The following CEP89 variants were observed in gnomAD, a reference collection of about 807,000 sequenced individuals.
CEP89 encodes centrosomal protein 89.
CEP89 carries 95 observed loss-of-function variants against 97.6 expected under a neutral mutation model. That is an observed-to-expected ratio of 0.97 (90% CI 0.82 to 1.15). The LOEUF (loss-of-function observed/expected upper bound fraction) is 1.15, where lower values mean the gene tolerates loss of function less well. CEP89 is among the 50% of genes most tolerant of loss of function. The pLI is 0.00. For missense variants in CEP89, 869 were observed against 947.7 expected (o/e 0.92, Z 1.09); for synonymous variants, 354 against 349.1 (o/e 1.01, Z -0.16).
chr19:32,888,355 TGC>T (rs1397341025), intron 16 of CEP89, among the ~76,000 whole-genome samples: 1 of 152,236 alleles, frequency 6.6e-6, no homozygotes, highest in Admixed American at 6.5e-5. Flanking sequence ...GGACGTGACC[TGC>T]TACATTCTAT....
chr19:32,899,621 T>C (rs548826410), intron 16 of CEP89, among the ~76,000 whole-genome samples: 1 of 152,294 alleles, frequency 6.6e-6, no homozygotes, highest in Admixed American at 6.5e-5. Context: ...GTAAAAGCAA[T>C]GGGCATTCAG....
At chr19:32,921,276 G>A (rs16967567) in intron 12 of CEP89, among the ~76,000 whole-genome samples, 7,713 of 151,914 alleles carry the variant, frequency 0.051, 245 homozygotes, top group South Asian at 0.15. Flanking sequence ...TGTGAAGTCC[G>A]TGTACCGAGT....
intron 9 of CEP89, among the ~76,000 whole-genome samples, chr19:32,927,902 GCTTTTTTTTTTTTTTT>G (rs1403307993): frequency 2.4e-5 from 2 of 82,730 alleles, no homozygotes; most frequent in African/African-American, 5.4e-5. Flanking sequence ...AGCACACTTG[GCTTTTTTTTTTTTTTT>G]CTTTTTTTTT....
Position 32,933,522 on chromosome 19 carries a change from T to C in CEP89, c.815A>G (p.Gln272Arg), listed in dbSNP as rs147369608. 47 of 1,614,156 alleles carry C rather than the reference T, an allele frequency of 2.9e-5. No individual in the cohort carries two copies. In the African/African-American group the frequency reaches 5.1e-4, roughly 17 times the overall value. Residue 272 changes from glutamine to arginine, a missense_variant, in exon 8 of 19, where the codon CAG becomes CGG. By Grantham distance (43) the Gln-to-Arg change is conservative. Coordinates refer to ENST00000305768, the MANE Select transcript of CEP89 (RefSeq NM_032816.5). ...TTTTTCCATTCCCTTAAGTTTTAAC[T>C]GTAGTTCTTTCATTGCTTGTTTCAT... ...NTMKQAMKEL[Q>R]LKLKGMEKEK...
chr19:32,899,586 T>C (rs1969720500), intron 16 of CEP89, among the ~76,000 whole-genome samples: 1 of 152,192 alleles, frequency 6.6e-6, no homozygotes, highest in South Asian at 2.1e-4. Context: ...TGGTTCAATC[T>C]ACATTTTTTA....
intron 3 of CEP89, 72 bp from the exon 4 acceptor site, chr19:32,953,873 T>C (rs1970991014): frequency 3.8e-6 from 4 of 1,063,564 alleles, no homozygotes; most frequent in Non-Finnish European, 5.4e-6. Flanking sequence ...ATATCTTTTT[T>C]TTTTTTTTTT....
At chr19:32,915,315 A>T in intron 14 of CEP89, 22 bp downstream of exon 14, 1 of 1,552,114 alleles carries the variant, frequency 6.4e-7, no homozygotes, top group Non-Finnish European at 8.7e-7. Flanking sequence ...AAAAAAAAAA[A>T]GAAAAAACAT....
intron 16 of CEP89, among the ~76,000 whole-genome samples, chr19:32,891,015 G>A (rs960454785): frequency 1.3e-5 from 2 of 152,162 alleles, no homozygotes; most frequent in South Asian, 2.1e-4. Flanking sequence ...GTGGAGCAGC[G>A]GGTCCCCAGC....
At chr19:32,882,317 C>T (rs1198645817) in intron 17 of CEP89, among the ~76,000 whole-genome samples, 1 of 152,138 alleles carries the variant, frequency 6.6e-6, no homozygotes, top group Non-Finnish European at 1.5e-5. Context: ...AATTTCAGCA[C>T]TATTACAGGC....
At chr19:32,970,334 C>A (rs1971373635) in intron 1 of CEP89, 1 of 152,144 alleles carries the variant, frequency 6.6e-6, no homozygotes, top group Admixed American at 6.6e-5. Flanking sequence ...CAGCACACAG[C>A]AGGGACTCAT....
intron 18 of CEP89, among the ~76,000 whole-genome samples, chr19:32,879,818 C>T (rs913001800): frequency 3.3e-5 from 5 of 152,256 alleles, no homozygotes; most frequent in African/African-American, 4.8e-5. Flanking sequence ...ACAGCCCCTC[C>T]TGTGTCCCGT....
intron 18 of CEP89, among the ~76,000 whole-genome samples, chr19:32,879,727 G>A (rs1024209841): frequency 7.9e-5 from 12 of 152,234 alleles, no homozygotes; most frequent in South Asian, 2.1e-4. Context: ...TGGGCGTGTC[G>A]AATAAGGAAC....
intron 18 of CEP89, among the ~76,000 whole-genome samples, chr19:32,880,558 G>A (rs962504636): frequency 1.3e-5 from 2 of 150,676 alleles, no homozygotes; most frequent in African/African-American, 4.9e-5. Context: ...AGGATGACTT[G>A]AGCCCAGAAA....
rs1175076079 is a variant in CEP89, at chr19:32,904,506, C to T, written c.1566-3094G>A. The stretch of plus-strand genomic sequence containing the variant: ...TCCACATCTATTTGTGAAGCTTTGT[C>T]GATGGTTCCTTCCTTTTAATTAAAA... On this transcript the variant is annotated intron_variant, in intron 14 of 18. Coordinates refer to ENST00000305768, the MANE Select transcript of CEP89 (RefSeq NM_032816.5). Among the ~76,000 whole-genome samples, 4 of 152,072 alleles carry T rather than the reference C, an allele frequency of 2.6e-5. No homozygotes were observed. In the East Asian group the frequency reaches 7.7e-4, roughly 29 times the overall value.
intron 1 of CEP89, among the ~76,000 whole-genome samples, chr19:32,967,895 T>C (rs1971317605): frequency 6.6e-6 from 1 of 152,140 alleles, no homozygotes; most frequent in Non-Finnish European, 1.5e-5. Context: ...TGGGAAGGGC[T>C]TCCAGAGCAG....
chr19:32,919,648 G>C (rs1414297298), intron 12 of CEP89, among the ~76,000 whole-genome samples: 1 of 152,186 alleles, frequency 6.6e-6, no homozygotes, highest in Non-Finnish European at 1.5e-5. Context: ...GCAGCTCCAT[G>C]ATGGTCTGTT....
chr19:32,930,375 G>A (rs941275921), intron 9 of CEP89, among the ~76,000 whole-genome samples: 1 of 151,860 alleles, frequency 6.6e-6, no homozygotes, highest in Non-Finnish European at 1.5e-5. Context: ...CTGTGGTGAT[G>A]GTTGCATAAT....
Position 32,901,293 on chromosome 19 carries a change from T to C in CEP89, c.1685A>G (p.Gln562Arg), listed in dbSNP as rs748444728. 22 of 1,614,214 alleles carry C rather than the reference T, an allele frequency of 1.4e-5. No homozygotes were observed. The highest frequency in any genetic ancestry group is 1.8e-5 in the Non-Finnish European group (21 of 1,180,036). The change falls in exon 15 of 19, where the codon CAA becomes CGA. Residue 562 changes from glutamine to arginine, a missense_variant. Gln to Arg is a conservative substitution (Grantham distance 43). Transcript: ENST00000305768. ...AAGTTCGGCTTCCAGTGCTTTGTTT[T>C]GCTCTGTCAAACTGTTCTTCTCTAA... The part of the protein sequence containing the change: ...LLLEKNSLTE[Q>R]NKALEAELER...
At chr19:32,960,139 A>C in intron 2 of CEP89, 81 bp from the exon 3 acceptor site, 1 of 1,457,740 alleles carries the variant, frequency 6.9e-7, no homozygotes, top group Non-Finnish European at 9.5e-7. Context: ...AAACTCATCA[A>C]GGCTTACCTT....
Sources: allele counts gnomAD v4.1 joint callset (sites outside exome capture counted in the v4.1 genomes callset), GRCh38; gene constraint gnomAD v4.1.1; transcripts MANE v1.5; gene names NCBI Gene and HGNC (gene_info 2026-07-23, HGNC 2026-07-21).